CSMD1: variants seen among roughly 807,000 people sequenced by gnomAD.
The protein encoded by CSMD1 is CUB and Sushi multiple domains 1, also known as CUB and sushi domain-containing protein 1.
CSMD1 carries 213 observed loss-of-function variants against 417.5 expected under a neutral mutation model. The ratio of observed to expected loss-of-function variants is 0.51; its 90% CI spans 0.46 to 0.57. The LOEUF (loss-of-function observed/expected upper bound fraction) is 0.57. CSMD1 is among the 20% of genes least tolerant of loss of function. The probability of loss-of-function intolerance (pLI) is 0.00; values close to 1 mark genes in which losing one functional copy is unlikely to be tolerated. For synonymous variants in CSMD1, 2,862 were observed against 1,736.8 expected (o/e 1.65, Z -16.11); for missense variants, 6,923 against 4,529.7 (o/e 1.53, Z -15.17).
At chr8:4,298,392 T>G (rs1436981839) in intron 3 of CSMD1, among the ~76,000 whole-genome samples, 2 of 152,116 alleles carry the variant, frequency 1.3e-5, no homozygotes, top group African/African-American at 4.8e-5. Context: ...TTGCTTTGAA[T>G]CCAAGAATAC....
intron 2 of CSMD1, among the ~76,000 whole-genome samples, chr8:4,597,050 T>C (rs1030319710): frequency 2.0e-5 from 3 of 152,152 alleles, no homozygotes; most frequent in African/African-American, 7.2e-5. Context: ...AACCTATTTT[T>C]CTTCCCTGCC....
chr8:3,675,379 G>T (rs1302007064), intron 7 of CSMD1, among the ~76,000 whole-genome samples: 1 of 152,140 alleles, frequency 6.6e-6, no homozygotes, highest in Non-Finnish European at 1.5e-5. Flanking sequence ...CAGCAATGTG[G>T]GCTTGGATAT....
chr8:4,301,196 G>T (rs954214301), intron 3 of CSMD1, among the ~76,000 whole-genome samples: 1 of 152,126 alleles, frequency 6.6e-6, no homozygotes, highest in Non-Finnish European at 1.5e-5. Flanking sequence ...CTGGGTAGTG[G>T]TCTGCTAAAC....
At chr8:3,947,166 C>T (rs1396120954) in intron 5 of CSMD1, among the ~76,000 whole-genome samples, 1 of 152,150 alleles carries the variant, frequency 6.6e-6, no homozygotes, top group African/African-American at 2.4e-5. Context: ...ATAAAATTTC[C>T]ATGGATGCCC....
intron 1 of CSMD1, among the ~76,000 whole-genome samples, chr8:4,645,678 A>C (rs1002525696): frequency 6.6e-6 from 1 of 152,126 alleles, no homozygotes; most frequent in African/African-American, 2.4e-5. Flanking sequence ...CAGAAAAGAA[A>C]AAAGATGATT....
chr8:4,447,233 T>C (rs746668253), intron 2 of CSMD1, among the ~76,000 whole-genome samples: 15 of 152,228 alleles, frequency 9.9e-5, no homozygotes, highest in Non-Finnish European at 1.9e-4. Flanking sequence ...AGTTCTTGCC[T>C]GATGGATGCT....
intron 2 of CSMD1, among the ~76,000 whole-genome samples, chr8:4,603,304 T>C (rs192587941): frequency 1.0e-3 from 155 of 152,226 alleles, no homozygotes; most frequent in African/African-American, 3.6e-3. Flanking sequence ...AATTCCTTTT[T>C]TGTATTCAAC....
At chr8:4,308,833 C>G (rs1172760048) in intron 3 of CSMD1, among the ~76,000 whole-genome samples, 1 of 152,132 alleles carries the variant, frequency 6.6e-6, no homozygotes, top group Non-Finnish European at 1.5e-5. Flanking sequence ...ATTTATGAAG[C>G]AATGACACCC....
At chr8:3,745,595 C>A (rs188816599) in intron 6 of CSMD1, among the ~76,000 whole-genome samples, 227 of 152,308 alleles carry the variant, frequency 1.5e-3, no homozygotes, top group African/African-American at 5.2e-3. Flanking sequence ...TTTTGGAACT[C>A]ATCTCTGGAT....
chr8:4,583,027 T>A (rs1393416855), intron 2 of CSMD1, among the ~76,000 whole-genome samples: 1 of 152,208 alleles, frequency 6.6e-6, no homozygotes, highest in Admixed American at 6.5e-5. Context: ...CCACCGGCGC[T>A]GTGCTCGACT....
chr8:4,794,563 T>G (rs981814723), intron 1 of CSMD1, among the ~76,000 whole-genome samples: 1 of 152,166 alleles, frequency 6.6e-6, no homozygotes, highest in African/African-American at 2.4e-5. Context: ...ACCTATGTGC[T>G]GAGAGATTCT....
At chr8:4,469,282 G>A (rs950672463) in intron 2 of CSMD1, among the ~76,000 whole-genome samples, 4 of 152,302 alleles carry the variant, frequency 2.6e-5, no homozygotes, top group South Asian at 2.1e-4. Flanking sequence ...CACTATGATT[G>A]TCATAGTCAG....
chr8:3,749,651 C>T (rs377051336), intron 6 of CSMD1, among the ~76,000 whole-genome samples: 82 of 152,264 alleles, frequency 5.4e-4, no homozygotes, highest in Admixed American at 1.0e-3. Flanking sequence ...AAGCATCATA[C>T]GCTGGAAAAC....
intron 49 of CSMD1, among the ~76,000 whole-genome samples, chr8:3,075,298 A>G (rs1466739958): frequency 4.1e-5 from 5 of 123,454 alleles, no homozygotes; most frequent in Admixed American, 8.9e-5. Context: ...TTTTTTTTAG[A>G]TGGAGTTTCG....
chr8:4,223,528 C>T (rs1017092299), intron 3 of CSMD1, among the ~76,000 whole-genome samples: 6 of 152,210 alleles, frequency 3.9e-5, no homozygotes, highest in East Asian at 1.9e-4. Context: ...CACCACTGCT[C>T]GTTAATAACC....
chr8:2,950,562 C>T (rs988245762), intron 66 of CSMD1, among the ~76,000 whole-genome samples: 3 of 152,060 alleles, frequency 2.0e-5, no homozygotes, highest in African/African-American at 7.2e-5. Context: ...TAGGTATAAT[C>T]CACTCCACTA....
intron 3 of CSMD1, among the ~76,000 whole-genome samples, chr8:4,339,831 C>T (rs888733136): frequency 2.0e-5 from 3 of 151,992 alleles, no homozygotes; most frequent in African/African-American, 4.8e-5. Context: ...TAAGATCAGC[C>T]TGGGCAACAA....
intron 10 of CSMD1, among the ~76,000 whole-genome samples, chr8:3,503,007 G>A (rs994259247): frequency 1.3e-5 from 2 of 151,968 alleles, no homozygotes; most frequent in Non-Finnish European, 2.9e-5. Context: ...GGGGTACGGG[G>A]AAACTATGTC....
Position 4,030,453 on chromosome 8 carries a change from A to G in CSMD1, c.610+1452T>C, listed in dbSNP as rs547263171. Among the ~76,000 whole-genome samples the G allele has an allele frequency of 5.9e-5, 9 of 152,348 alleles. 1 individual carries two copies. In the South Asian group the frequency reaches 1.9e-3, roughly 32 times the overall value. On this transcript the variant is annotated intron_variant, in intron 4 of 69. Transcript: ENST00000635120. Reference sequence around the variant, plus strand: ...CTTGAGGCTTACATCCTCTGATGACACAGCCTGAGCTTTATGTTGCCCCTT... The same window carrying G: ...CTTGAGGCTTACATCCTCTGATGACGCAGCCTGAGCTTTATGTTGCCCCTT...
Sources: gnomAD v4.1 joint callset for allele counts (sites outside exome capture counted in the v4.1 genomes callset) on GRCh38, gnomAD v4.1.1 for gene constraint, MANE v1.5 for transcripts, NCBI Gene and HGNC (gene_info 2026-07-23, HGNC 2026-07-21) for gene names.